LRRD1: variants seen among roughly 807,000 people sequenced by gnomAD.
LRRD1 encodes the protein leucine rich repeats and death domain containing 1, also known as leucine-rich repeat and death domain-containing protein 1.
A neutral mutation model predicts 69.5 loss-of-function variants in LRRD1; 49 were observed. The observed-to-expected ratio is 0.70, with a 90% CI of 0.56 to 0.89. LRRD1 has a LOEUF of 0.89. Ranked by LOEUF, LRRD1 falls within the 40% of genes least tolerant of loss-of-function variation. The pLI is 0.00. For synonymous variants in LRRD1, 303 were observed against 338.9 expected (o/e 0.89, Z 1.16); for missense variants, 853 against 956.0 (o/e 0.89, Z 1.42).
downstream of LRRD1, among the ~76,000 whole-genome samples, chr7:92,143,656 C>T (rs1268642845): frequency 4.6e-5 from 7 of 152,264 alleles, 1 homozygote; most frequent in South Asian, 6.2e-4. Context: ...CCGGAACTCG[C>T]GCTGGCCCGC....
rs887679886 is a variant in LRRD1, at chr7:92,163,589, C to A, written c.1614G>T (p.Leu538=). 9.8e-6 allele frequency: 15 copies of A among 1,529,888 alleles called. No homozygotes were observed. The East Asian group carries it at 3.7e-4, about 38-fold the overall frequency. 94.8% of individuals were successfully genotyped at this position (1,529,888 alleles called of 1,614,324 possible). A position where few individuals can be genotyped will look rare whatever the true frequency, so the allele number is the denominator to read the frequency against. Residue 538 remains leucine (L), a synonymous_variant, in exon 2 of 6, where the codon CTG becomes CTT. Transcript: ENST00000458448. The part of the protein sequence containing the change: ...HFCSLINLKY[L]DLGKNQIKKI... ...TCTTTATTTGGTTTTTACCAAGATC[C>A]AGGTATTTAAGATTAATAAGAGAAC...
intron 5 of LRRD1, among the ~76,000 whole-genome samples, chr7:92,145,460 T>A (rs1037193708): frequency 1.3e-5 from 2 of 150,212 alleles, no homozygotes; most frequent in South Asian, 2.1e-4. Context: ...TTTTTTTTTT[T>A]AGACAGAGTC....
chr7:92,154,253 T>C (rs1205658031), intron 3 of LRRD1, among the ~76,000 whole-genome samples: 5 of 151,614 alleles, frequency 3.3e-5, no homozygotes, highest in Non-Finnish European at 7.4e-5. Flanking sequence ...TTCACCTTTT[T>C]TTTTGAGACA....
In LRRD1 at chr7:92,144,906, C is replaced by T. The variant is rs117527729; in HGVS notation, c.2565G>A (p.Thr855=). ...CCACTGGTTAGAATTTAATTGCACG[C>T]GTAAAAAGATTTAAAGCTGTTATTT... ...MDKITALNLF[T]RAIKF The change falls in exon 6 of 6, where the codon ACG becomes ACA. Residue 855 remains threonine (T), a synonymous_variant. Transcript: ENST00000458448. 7.2e-4 allele frequency: 1,076 copies of T among 1,492,624 alleles called. 8 individuals carry two copies. The East Asian group carries it at 0.011, about 16-fold the overall frequency. 92.5% of individuals were successfully genotyped at this position (1,492,624 alleles called of 1,614,324 possible). A position where few individuals can be genotyped will look rare whatever the true frequency, so the allele number is the denominator to read the frequency against.
chr7:92,165,236 A>G lies in LRRD1; in HGVS notation c.-34T>C. The stretch of plus-strand genomic sequence containing the variant: ...CTGATATGTTTTATGCCAATACAAA[A>G]TTGTAACTTGATTTTAATTTTCATG... On this transcript the variant is annotated 5_prime_UTR_variant, in exon 2 of 6. Coordinates refer to ENST00000458448, the MANE Select transcript of LRRD1 (RefSeq NM_001161528.2). 1 of 1,218,292 alleles carries G rather than the reference A, an allele frequency of 8.2e-7. No individual in the cohort carries two copies. Among genetic ancestry groups the G allele is most frequent in the Non-Finnish European group, 1.1e-6 (1 of 930,068 alleles). 75.5% of individuals were successfully genotyped at this position (1,218,292 alleles called of 1,614,324 possible). A position where few individuals can be genotyped will look rare whatever the true frequency, so the allele number is the denominator to read the frequency against.
chr7:92,175,360 A>C (rs913962108), intron 1 of LRRD1, among the ~76,000 whole-genome samples: 3 of 151,770 alleles, frequency 2.0e-5, no homozygotes, highest in African/African-American at 7.3e-5. Context: ...ACTTTAACAG[A>C]GTGCTGGCCA....
Position 92,168,509 on chromosome 7 carries a change from A to G in LRRD1, c.-74-3233T>C, listed in dbSNP as rs114248199. 2.7e-3 allele frequency among the ~76,000 whole-genome samples: 414 copies of G among 152,318 alleles called. 3 individuals carry two copies. Among genetic ancestry groups the G allele is most frequent in the African/African-American group, 9.6e-3 (400 of 41,572 alleles). ...GGTTCGTTCCACAGGTCACCTGGAC[A>G]TGAACTCCTACCTAGCCTTCTCACA... On this transcript the variant is annotated intron_variant, in intron 1 of 5. Coordinates refer to ENST00000458448, the MANE Select transcript of LRRD1 (RefSeq NM_001161528.2).
chr7:92,164,100 A>G lies in LRRD1; in HGVS notation c.1103T>C (p.Ile368Thr). The G allele has an allele frequency of 6.5e-7, 1 of 1,548,812 alleles. No homozygotes were observed. The highest frequency in any genetic ancestry group is 8.7e-7 in the Non-Finnish European group (1 of 1,145,898). Reference protein sequence around the residue: ...DNKLEVISHKIENFRELRILI... With the variant: ...DNKLEVISHKTENFRELRILI... ...AATCCTAAGTTCCCTGAAATTCTCA[A>G]TTTTGTGTGAAATAACTTCCAATTT... Residue 368 changes from isoleucine (I) to threonine (T), a missense_variant, in exon 2 of 6, where the codon ATT becomes ACT. Coordinates refer to ENST00000458448, the MANE Select transcript of LRRD1 (RefSeq NM_001161528.2).
intron 3 of LRRD1, among the ~76,000 whole-genome samples, chr7:92,156,068 A>G (rs1788652665): frequency 6.6e-6 from 1 of 152,218 alleles, no homozygotes; most frequent in African/African-American, 2.4e-5. Context: ...ACATGCAGGA[A>G]CAATACTTTG....
downstream of LRRD1, chr7:92,142,518 G>C (rs1820182263): frequency 2.2e-6 from 1 of 456,594 alleles, no homozygotes; most frequent in African/African-American, 2.0e-5. Flanking sequence ...AAAAGAAACT[G>C]TTAATGGCCT....
At chr7:92,148,850 C>A (rs748638000) in intron 4 of LRRD1, among the ~76,000 whole-genome samples, 1 of 152,058 alleles carries the variant, frequency 6.6e-6, no homozygotes, top group Non-Finnish European at 1.5e-5. Context: ...CGAGTTCAAG[C>A]GATTCTCCTG....
In LRRD1 at chr7:92,164,485, AG is replaced by A. The variant is rs1435049807; in HGVS notation, c.717del (p.Tyr242IlefsTer12). ...TTTTCAATGTAATTGTTATAAAAAAAGAGTTGTCTGATATTCCCAAGCTGAG... is the reference window on the plus strand; with the variant it reads ...TTTTCAATGTAATTGTTATAAAAAAAAGTTGTCTGATATTCCCAAGCTGAG... ...EISQLGNIRQLFFYNNYIENF... is the reference protein window; with the variant it reads ...EISQLGNIRQXFFYNNYIENF... On this transcript the variant is annotated frameshift_variant, in exon 2 of 6. Transcript: ENST00000458448. LOFTEE classifies it high-confidence loss of function. 1 of 1,550,080 alleles carries A rather than the reference AG, an allele frequency of 6.5e-7. No homozygotes were observed. Among genetic ancestry groups the A allele is most frequent in the African/African-American group, 1.4e-5 (1 of 72,954 alleles).
At chr7:92,167,099 C>CTT (rs770765785) in intron 1 of LRRD1, among the ~76,000 whole-genome samples, 71 of 139,434 alleles carry the variant, frequency 5.1e-4, no homozygotes, top group South Asian at 3.0e-3. Flanking sequence ...AATTTTCTTT[C>CTT]TTTTTTTTTT....
chr7:92,164,591 T>C lies in LRRD1; in HGVS notation c.612A>G (p.Pro204=). 1.3e-6 allele frequency: 2 copies of C among 1,551,432 alleles called. No individual in the cohort carries two copies. The highest frequency in any genetic ancestry group is 4.9e-5 in the East Asian group (2 of 40,860). Residue 204 remains proline, a synonymous_variant, in exon 2 of 6, where the codon CCA becomes CCG. Transcript: ENST00000458448. ...SLQENGLSSL[P]SEIQLLHNLR... ...AATTATGAAGTAACTGAATTTCAGA[T>C]GGAAGTGATGATAATCCATTTTCTT... is the stretch of plus-strand genomic sequence containing the variant.
In LRRD1 at chr7:92,163,864, C is replaced by T; in HGVS notation, c.1339G>A (p.Glu447Lys). The change falls in exon 2 of 6, where the codon GAA (glutamate) becomes AAA (lysine). Residue 447 changes from glutamate to lysine, a missense_variant. Transcript: ENST00000458448. Reference sequence around the variant, plus strand: ...TCTGTGATTATGTTTCCTGAAAATTCTAGACTGCATATGTTATTAAGATGT... The same window carrying T: ...TCTGTGATTATGTTTCCTGAAAATTTTAGACTGCATATGTTATTAAGATGT... ...ISHLNNICSL[E>K]FSGNIITDVP... 6.6e-7 allele frequency: 1 copy of T among 1,508,284 alleles called. No homozygotes were observed. Among genetic ancestry groups the T allele is most frequent in the Non-Finnish European group, 8.8e-7 (1 of 1,133,014 alleles). 93.4% of individuals were successfully genotyped at this position (1,508,284 alleles called of 1,614,324 possible).
chr7:92,163,414 C>G lies in LRRD1; in HGVS notation c.1789G>C (p.Asp597His). 1 of 1,547,680 alleles carries G rather than the reference C, an allele frequency of 6.5e-7. No individual in the cohort carries two copies. The highest frequency in any genetic ancestry group is 1.2e-5 in the South Asian group (1 of 83,470). Reference protein sequence around the residue: ...SENQLQKISSDICNLKGIQKL... With the variant: ...SENQLQKISSHICNLKGIQKL... ...TGGATTCCTTTTAAATTACAGATGT[C>G]TGAAGAGATTTTCTGTAATTGGTTT... The change falls in exon 2 of 6, where the codon GAC becomes CAC. Residue 597 changes from aspartate (D) to histidine (H), a missense_variant. This residue lies in a region of LRRD1 where 739 missense variants were observed against 808.0 expected (regional missense o/e 0.91). Transcript: ENST00000458448.
intron 3 of LRRD1, among the ~76,000 whole-genome samples, chr7:92,154,732 T>C: frequency 6.6e-6 from 1 of 152,214 alleles, no homozygotes; most frequent in East Asian, 1.9e-4. Context: ...TTGTTTTGTT[T>C]TGGCTTTTGG....
At position 92,164,126 on chromosome 7, in the gene LRRD1, AT is replaced by A. The variant is rs1788850419; in HGVS notation, c.1076del (p.Asn359IlefsTer26). 1 of 1,549,854 alleles carries A rather than the reference AT, an allele frequency of 6.5e-7. No individual in the cohort carries two copies. The highest frequency in any genetic ancestry group is 1.4e-5 in the African/African-American group (1 of 72,962). On this transcript the variant is annotated frameshift_variant, in exon 2 of 6. Coordinates refer to ENST00000458448, the MANE Select transcript of LRRD1 (RefSeq NM_001161528.2). LOFTEE classifies it high-confidence loss of function. ...LKIKELQLAD[N>X]KLEVISHKIE... ...TTTTGTGTGAAATAACTTCCAATTTATTGTCGGCCAGTTGGAGTTCTTTTAT... is the reference window on the plus strand; with the variant it reads ...TTTTGTGTGAAATAACTTCCAATTTATGTCGGCCAGTTGGAGTTCTTTTAT...
Position 92,144,927 on chromosome 7 carries a change from TA to T in LRRD1, c.2543del (p.Ile848LysfsTer4). 2.0e-6 allele frequency: 3 copies of T among 1,530,984 alleles called. No homozygotes were observed. The highest frequency in any genetic ancestry group is 2.6e-6 in the Non-Finnish European group (3 of 1,134,846). 94.8% of individuals were successfully genotyped at this position (1,530,984 alleles called of 1,614,324 possible). A position where few individuals can be genotyped will look rare whatever the true frequency, so the allele number is the denominator to read the frequency against. On this transcript the variant is annotated frameshift_variant, in exon 6 of 6. Coordinates refer to ENST00000458448, the MANE Select transcript of LRRD1 (RefSeq NM_001161528.2). LOFTEE classifies it high-confidence loss of function. ...CACGCGTAAAAAGATTTAAAGCTGT[TA>T]TTTTGTCCATAATTTCATATGCTCC... ...MIGAYEIMDK[I>X]TALNLFTRAI... is the part of the protein sequence containing the mutation.
Sources: gnomAD v4.1 joint callset for allele counts (sites outside exome capture counted in the v4.1 genomes callset) on GRCh38, gnomAD v4.1.1 for gene constraint, gnomAD v4.1.1 regional missense constraint, MANE v1.5 for transcripts, NCBI Gene and HGNC (gene_info 2026-07-23, HGNC 2026-07-21) for gene names.